The following PTPRD variants were observed in gnomAD, a reference collection of about 807,000 sequenced individuals.
PTPRD encodes protein tyrosine phosphatase receptor type D, also known as receptor-type tyrosine-protein phosphatase delta.
A neutral mutation model predicts 214.5 loss-of-function variants in PTPRD; 34 were observed. The ratio of observed to expected loss-of-function variants is 0.16; its 90% CI spans 0.12 to 0.21. PTPRD has a LOEUF of 0.21. Ranked by LOEUF, PTPRD falls within the 10% of genes least tolerant of loss-of-function variation. PTPRD has a pLI of 1.00. For synonymous variants in PTPRD, 1,128 were observed against 845.7 expected, an observed-to-expected ratio of 1.33 and a Z score of -5.79; for missense variants, 2,545 against 2,398.7, an observed-to-expected ratio of 1.06 and a Z score of -1.27.
At chr9:9,751,581 G>A (rs2098520043) in intron 6 of PTPRD, among the ~76,000 whole-genome samples, 1 of 152,134 alleles carries the variant, frequency 6.6e-6, no homozygotes, top group Non-Finnish European at 1.5e-5. Context: ...AGGTCATGTT[G>A]AAGTGGGATG....
intron 10 of PTPRD, among the ~76,000 whole-genome samples, chr9:9,138,841 T>G (rs892379254): frequency 8.5e-5 from 13 of 152,144 alleles, no homozygotes; most frequent in African/African-American, 3.1e-4. Flanking sequence ...TAGGCCCTTT[T>G]ATGTTTAATA....
chr9:8,463,308 C>CAAAAAA (rs71308864), intron 32 of PTPRD, among the ~76,000 whole-genome samples: 1 of 28,848 alleles, frequency 3.5e-5, no homozygotes, highest in Non-Finnish European at 8.0e-5. Flanking sequence ...CAGAGGCAGC[C>CAAAAAA]AAAAAAAAAA....
chr9:10,105,439 T>C (rs1453432666), intron 3 of PTPRD, among the ~76,000 whole-genome samples: 1 of 151,908 alleles, frequency 6.6e-6, no homozygotes, highest in Non-Finnish European at 1.5e-5. Context: ...GGCAGTGTTT[T>C]ATGGCAAGTG....
At chr9:9,789,898 C>G (rs967602307) in intron 5 of PTPRD, among the ~76,000 whole-genome samples, 4 of 151,130 alleles carry the variant, frequency 2.6e-5, no homozygotes, top group Non-Finnish European at 5.9e-5. Flanking sequence ...ACTGAAATCT[C>G]TCATAAATTC....
chr9:9,772,134 C>T (rs1392727035), intron 5 of PTPRD, among the ~76,000 whole-genome samples: 1 of 151,956 alleles, frequency 6.6e-6, no homozygotes, highest in East Asian at 1.9e-4. Context: ...AGTTTGAGCC[C>T]TAATCCAATG....
intron 2 of PTPRD, among the ~76,000 whole-genome samples, chr9:10,402,054 A>C (rs1207068040): frequency 1.3e-5 from 2 of 151,782 alleles, no homozygotes; most frequent in African/African-American, 4.8e-5. Flanking sequence ...TTAAAATCAG[A>C]GTAAAATGAC....
chr9:9,953,021 T>C (rs1324388765), intron 4 of PTPRD, among the ~76,000 whole-genome samples: 1 of 152,094 alleles, frequency 6.6e-6, no homozygotes, highest in Non-Finnish European at 1.5e-5. Flanking sequence ...AAGAATGAAT[T>C]TTAGGATGAA....
chr9:9,366,272 G>A (rs1397584405), intron 9 of PTPRD, among the ~76,000 whole-genome samples: 1 of 151,470 alleles, frequency 6.6e-6, no homozygotes, highest in Non-Finnish European at 1.5e-5. Context: ...TTTAAGCAGG[G>A]ATTCTTTTTG....
intron 14 of PTPRD, among the ~76,000 whole-genome samples, chr9:8,552,249 T>C (rs1355634066): frequency 1.3e-5 from 2 of 152,092 alleles, no homozygotes; most frequent in African/African-American, 4.8e-5. Flanking sequence ...AAGTCACAGA[T>C]CTTTGGAAAG....
chr9:10,385,939 T>C (rs2097906468), intron 2 of PTPRD, among the ~76,000 whole-genome samples: 4 of 151,930 alleles, frequency 2.6e-5, no homozygotes, highest in South Asian at 2.1e-4. Context: ...AAAAATCACA[T>C]ATTCTGTTTT....
chr9:10,503,202 A>AAAAAAC (rs1459052142), intron 2 of PTPRD, among the ~76,000 whole-genome samples: 19 of 133,050 alleles, frequency 1.4e-4, no homozygotes, highest in African/African-American at 4.4e-4. Flanking sequence ...ACAAAAAAAA[A>AAAAAAC]AAAAACAAAA....
intron 11 of PTPRD, among the ~76,000 whole-genome samples, chr9:8,983,309 T>C (rs1421353569): frequency 6.6e-6 from 1 of 152,028 alleles, no homozygotes. Flanking sequence ...GAAATTATAT[T>C]AGATGACAAT....
chr9:8,636,611 A>C, intron 13 of PTPRD, 88 bp downstream of exon 13: 1 of 1,477,462 alleles, frequency 6.8e-7, no homozygotes, highest in Non-Finnish European at 9.3e-7. Context: ...GACACCTTTT[A>C]TCAGAGTAAA....
intron 11 of PTPRD, among the ~76,000 whole-genome samples, chr9:8,892,801 G>A (rs747624990): frequency 2.0e-5 from 3 of 151,622 alleles, no homozygotes; most frequent in Non-Finnish European, 4.4e-5. Flanking sequence ...AAGGTTGAGA[G>A]GAGGGAAGAT....
chr9:10,459,705 T>G (rs2098944492), intron 2 of PTPRD, among the ~76,000 whole-genome samples: 2 of 152,106 alleles, frequency 1.3e-5, no homozygotes, highest in South Asian at 4.1e-4. Flanking sequence ...AATGTCTTCT[T>G]TTGAGAAGTG....
intron 7 of PTPRD, among the ~76,000 whole-genome samples, chr9:9,680,111 G>C (rs925000574): frequency 6.6e-6 from 1 of 151,822 alleles, no homozygotes; most frequent in Non-Finnish European, 1.5e-5. Flanking sequence ...ACTCTTGACA[G>C]TTATATGTCT....
rs191057215 is a variant in PTPRD at position 8,583,381 on chromosome 9, T to C, written c.352+49936A>G. Among the ~76,000 whole-genome samples the C allele has an allele frequency of 3.0e-3, 450 of 152,318 alleles. 2 individuals are homozygous for C. Among genetic ancestry groups the C allele is most frequent in the African/African-American group, 0.01 (426 of 41,576 alleles). On this transcript the variant is annotated intron_variant, in intron 14 of 45. Transcript: ENST00000381196. ...TTTTTAGAGACAGCATGTTAGCATG[T>C]TGCCATGTTGCCAGGCTGGACTTGA...
At chr9:9,843,516 A>G (rs551516348) in intron 5 of PTPRD, among the ~76,000 whole-genome samples, 1 of 151,906 alleles carries the variant, frequency 6.6e-6, no homozygotes, top group South Asian at 2.1e-4. Context: ...ATAAGGTTTT[A>G]TAAGAATTAT....
intron 11 of PTPRD, among the ~76,000 whole-genome samples, chr9:9,000,810 G>C (rs1260193789): frequency 1.3e-5 from 2 of 151,912 alleles, no homozygotes; most frequent in Non-Finnish European, 2.9e-5. Context: ...TTAACCTGAA[G>C]AGACCCTCTA....
Sources: allele counts gnomAD v4.1 joint callset (sites outside exome capture counted in the v4.1 genomes callset), GRCh38; gene constraint gnomAD v4.1.1; transcripts MANE v1.5; gene names NCBI Gene and HGNC (gene_info 2026-07-23, HGNC 2026-07-21).